The following FBN1 variants were observed in gnomAD, a reference collection of about 807,000 sequenced individuals.
The protein encoded by FBN1 is fibrillin 1, also known as fibrillin-1.
Under a neutral mutation model 365.1 loss-of-function variants are expected in FBN1, and 29 were observed. The ratio of observed to expected loss-of-function variants is 0.08; its 90% CI spans 0.06 to 0.11. The LOEUF is 0.11. FBN1 is among the 10% of genes least tolerant of loss of function. The probability of loss-of-function intolerance (pLI) is 1.00; values close to 1 mark genes in which losing one functional copy is unlikely to be tolerated. For missense variants in FBN1, 2,476 were observed against 3,703.2 expected (o/e 0.67, Z 8.60); for synonymous variants, 1,210 against 1,270.5 (o/e 0.95, Z 1.01).
At chr15:48,645,342 C>A (rs1344964067) in intron 1 of FBN1, among the ~76,000 whole-genome samples, 2 of 152,220 alleles carry the variant, frequency 1.3e-5, no homozygotes, top group Admixed American at 1.3e-4. Flanking sequence ...CCCGCCGACT[C>A]CGGGCGATGC....
At chr15:48,449,709 C>T (rs192368906) in intron 45 of FBN1, among the ~76,000 whole-genome samples, 1 of 152,312 alleles carries the variant, frequency 6.6e-6, no homozygotes, top group East Asian at 1.9e-4. Context: ...CTTTGAAGAG[C>T]ACTGTGCCAT....
At position 48,422,007 on chromosome 15, in the gene FBN1, G is replaced by T. The variant is rs374570475; in HGVS notation, c.7515C>A (p.Gly2505=). The part of the protein sequence containing the change: ...NCQFLCVNTI[G]GFTCKCPPGF... The stretch of plus-strand genomic sequence containing the variant: ...CGGGAGGACATTTGCATGTGAAGCC[G>T]CCAATGGTGTTAACACATAGGAACT... The change falls in exon 61 of 66, where the codon GGC becomes GGA. Residue 2505 remains glycine, a synonymous_variant. Coordinates refer to ENST00000316623, the MANE Select transcript of FBN1 (RefSeq NM_000138.5). 1 of 1,614,052 alleles carries T rather than the reference G, an allele frequency of 6.2e-7. No individual in the cohort carries two copies. Among genetic ancestry groups the T allele is most frequent in the Admixed American group, 1.7e-5 (1 of 60,018 alleles).
chr15:48,619,036 A>G (rs1168100705), intron 2 of FBN1, among the ~76,000 whole-genome samples: 2 of 152,184 alleles, frequency 1.3e-5, no homozygotes, highest in Non-Finnish European at 2.9e-5. Flanking sequence ...AATAAAGTGC[A>G]CAATAAATGT....
At chr15:48,444,240 T>A (rs2043137194) in intron 49 of FBN1, among the ~76,000 whole-genome samples, 1 of 152,198 alleles carries the variant, frequency 6.6e-6, no homozygotes, top group African/African-American at 2.4e-5. Context: ...TTAAAAAATG[T>A]AGTTCGGAAA....
At position 48,488,155 on chromosome 15, in the gene FBN1, C is replaced by T. The variant is rs763485521; in HGVS notation, c.3295G>A (p.Glu1099Lys). Reference sequence around the variant, plus strand: ...ATCATGAATCCACTTTCATAGCCTTCGTCACACTTGCATTCAAAGTCCCCA... The same window carrying T: ...ATCATGAATCCACTTTCATAGCCTTTGTCACACTTGCATTCAAAGTCCCCA... ...TPGDFECKCD[E>K]GYESGFMMMK... Residue 1099 changes from glutamate (E) to lysine (K), a missense_variant, in exon 27 of 66, where the codon GAA becomes AAA. Physicochemically the swap from Glu to Lys is moderately conservative, Grantham distance 56 (BLOSUM62 1). This residue lies in a region of FBN1 where 1,780 missense variants were observed against 2,840.8 expected (regional missense o/e 0.63). Coordinates refer to ENST00000316623, the MANE Select transcript of FBN1 (RefSeq NM_000138.5). 66 of 1,614,112 alleles carry T rather than the reference C, an allele frequency of 4.1e-5. No individual in the cohort carries two copies. The highest frequency in any genetic ancestry group is 6.7e-5 in the African/African-American group (5 of 74,940).
At chr15:48,497,761 A>G (rs2043620507) in intron 18 of FBN1, among the ~76,000 whole-genome samples, 1 of 152,138 alleles carries the variant, frequency 6.6e-6, no homozygotes, top group African/African-American at 2.4e-5. Flanking sequence ...TCTTTCTTCC[A>G]TCTACCCTGC....
chr15:48,619,051 A>G (rs1162178628), intron 2 of FBN1, among the ~76,000 whole-genome samples: 1 of 152,160 alleles, frequency 6.6e-6, no homozygotes, highest in Non-Finnish European at 1.5e-5. Flanking sequence ...AAATGTAATG[A>G]GCTTGAATCA....
chr15:48,644,288 G>C (rs1890250478), intron 2 of FBN1: 1 of 377,240 alleles, frequency 2.7e-6, no homozygotes, highest in Non-Finnish European at 4.9e-6. Context: ...GCAGGGAAAG[G>C]AACGGGCTTC....
At chr15:48,645,257 G>C (rs1404783955) in intron 1 of FBN1, among the ~76,000 whole-genome samples, 2 of 152,148 alleles carry the variant, frequency 1.3e-5, no homozygotes, top group African/African-American at 4.8e-5. Context: ...GGCACGAATT[G>C]CGCGCGATGC....
Position 48,474,540 on chromosome 15 carries a change from T to C in FBN1, c.4075A>G (p.Ile1359Val), listed in dbSNP as rs202192505. ...SCSPGWIGDGIKCTDLDECSN... is the reference protein window; with the variant it reads ...SCSPGWIGDGVKCTDLDECSN... ...CTTTCCTACTCACCAGTGCACTTAA[T>C]GCCATCTCCAATCCACCCGGGACTG... is the stretch of plus-strand genomic sequence containing the variant. The change falls in exon 33 of 66, where the codon ATT becomes GTT. Residue 1359 changes from isoleucine to valine, a missense_variant. Physicochemically the swap from Ile to Val is conservative, Grantham distance 29 (BLOSUM62 3). Around this residue, in one of 5 missense-constraint regions of FBN1, gnomAD observed 1,780 missense variants for 2,840.8 expected, o/e 0.63. Coordinates refer to ENST00000316623, the MANE Select transcript of FBN1 (RefSeq NM_000138.5). 12 of 1,614,228 alleles carry C rather than the reference T, an allele frequency of 7.4e-6. No individual in the cohort carries two copies. Among genetic ancestry groups the C allele is most frequent in the Non-Finnish European group, 1.0e-5 (12 of 1,180,022 alleles).
At chr15:48,532,502 G>A (rs973028360) in intron 8 of FBN1, among the ~76,000 whole-genome samples, 16 of 147,852 alleles carry the variant, frequency 1.1e-4, no homozygotes, top group African/African-American at 4.0e-4. Context: ...ATATATATAT[G>A]TGTATGTGTG....
At chr15:48,574,824 T>C (rs907372147) in intron 6 of FBN1, among the ~76,000 whole-genome samples, 7 of 152,158 alleles carry the variant, frequency 4.6e-5, no homozygotes, top group African/African-American at 1.2e-4. Flanking sequence ...TGACACAAAA[T>C]AGCATCCAAT....
rs200078617 is a variant in FBN1 at position 48,492,523 on chromosome 15, C to A, written c.2792G>T (p.Gly931Val). 6.2e-7 allele frequency: 1 copy of A among 1,612,056 alleles called. No individual in the cohort carries two copies. The change falls in exon 24 of 66, where the codon GGG (glycine) becomes GTG (valine). Residue 931 changes from glycine (G) to valine (V), a missense_variant. Coordinates refer to ENST00000316623, the MANE Select transcript of FBN1 (RefSeq NM_000138.5). Reference sequence around the variant, plus strand: ...ACTGGGACACTGACACTTGAATGACCCCCTAGTGTTAACACACAGGCCATT... The same window carrying A: ...ACTGGGACACTGACACTTGAATGACACCCTAGTGTTAACACACAGGCCATT... ...CKNGLCVNTR[G>V]SFKCQCPSGM...
intron 2 of FBN1, among the ~76,000 whole-genome samples, chr15:48,628,407 T>C (rs1241786015): frequency 6.6e-6 from 1 of 152,192 alleles, no homozygotes; most frequent in Non-Finnish European, 1.5e-5. Flanking sequence ...ATTACCCTCA[T>C]AGTCCAAAAT....
In FBN1 at chr15:48,503,909, C is replaced by T. The variant is rs1436966674; in HGVS notation, c.1991G>A (p.Gly664Glu). ...DTHMRSTCYG[G>E]YKRGQCIKPL... ...TTTGATACACTGGCCTCTCTTGTAT[C>T]CACCATAGCATGTGCTCCGCATGTG... is the stretch of plus-strand genomic sequence containing the variant. Residue 664 changes from glycine to glutamate, a missense_variant, in exon 17 of 66, where the codon GGA becomes GAA. By Grantham distance (98) the Gly-to-Glu change is moderately conservative. Coordinates refer to ENST00000316623, the MANE Select transcript of FBN1 (RefSeq NM_000138.5). 2 of 1,614,108 alleles carry T rather than the reference C, an allele frequency of 1.2e-6. No homozygotes were observed. The highest frequency in any genetic ancestry group is 2.7e-5 in the African/African-American group (2 of 74,946).
intron 8 of FBN1, among the ~76,000 whole-genome samples, chr15:48,531,994 A>C (rs1394796954): frequency 6.6e-6 from 1 of 152,166 alleles, no homozygotes. Context: ...TAGCTGGAAA[A>C]TTTTTGTGTG....
At chr15:48,602,615 C>T (rs2044576145) in intron 4 of FBN1, among the ~76,000 whole-genome samples, 1 of 152,100 alleles carries the variant, frequency 6.6e-6, no homozygotes, top group Non-Finnish European at 1.5e-5. Context: ...ATCTTTGTTT[C>T]CCCATGTATG....
intron 6 of FBN1, among the ~76,000 whole-genome samples, chr15:48,561,051 C>G (rs1597605783): frequency 6.6e-6 from 1 of 152,198 alleles, no homozygotes; most frequent in Admixed American, 6.5e-5. Flanking sequence ...GACTAGAAAA[C>G]AAAGTCTCAA....
intron 11 of FBN1, 112 bp from the exon 12 acceptor site, chr15:48,515,639 T>G: frequency 6.9e-7 from 1 of 1,445,310 alleles, no homozygotes; most frequent in Non-Finnish European, 9.6e-7. Flanking sequence ...GAGGATACTC[T>G]TTGGGCAAAG....
Sources: gnomAD v4.1 joint callset for allele counts (sites outside exome capture counted in the v4.1 genomes callset) on GRCh38, gnomAD v4.1.1 for gene constraint, gnomAD v4.1.1 regional missense constraint, MANE v1.5 for transcripts, NCBI Gene and HGNC (gene_info 2026-07-23, HGNC 2026-07-21) for gene names.